The following PCSK4 variants were observed in gnomAD, a reference collection of about 807,000 sequenced individuals.
PCSK4 encodes the protein proprotein convertase subtilisin/kexin type 4.
PCSK4 carries 64 observed loss-of-function variants against 80.3 expected under a neutral mutation model. The ratio of observed to expected loss-of-function variants is 0.80; its 90% confidence interval spans 0.65 to 0.98. The LOEUF (loss-of-function observed/expected upper bound fraction) is 0.98, where lower values mean the gene tolerates loss of function less well. Among genes scored for constraint, PCSK4 ranks in the 50% least tolerant of loss-of-function variants. The probability of loss-of-function intolerance (pLI) is 0.00; values close to 1 mark genes in which losing one functional copy is unlikely to be tolerated. For missense variants in PCSK4, 1,213 were observed against 1,093.6 expected, an observed-to-expected ratio of 1.11 and a Z score of -1.54; for synonymous variants, 561 against 487.6, an observed-to-expected ratio of 1.15 and a Z score of -1.98.
rs2084831717 is a variant in PCSK4 at position 1,489,630 on chromosome 19, C to T, written c.294+163G>A. 5 of 1,292,674 alleles carry T rather than the reference C, an allele frequency of 3.9e-6. No individual in the cohort carries two copies. The Admixed American group carries it at 8.4e-5, about 22-fold the overall frequency. The allele number at this position is 1,292,674 out of a possible 1,614,324, so 80.1% of individuals were successfully genotyped here. ...GGCGCCATGATTTCCGTATCTGGGT[C>T]TTCCTGCCTCCTCTTGCTGTATAGA... On this transcript the variant is annotated intron_variant, in intron 2 of 14. Coordinates refer to ENST00000300954, the Ensembl canonical transcript of PCSK4.
At chr19:1,483,510 T>TG in intron 11 of PCSK4, 47 bp from the exon 12 acceptor site, 3 of 520,248 alleles carry the variant, frequency 5.8e-6, no homozygotes, top group Admixed American at 4.2e-5. Flanking sequence ...TGCTGGGGGG[T>TG]GGGTGGGCGG....
chr19:1,481,980 A>C (rs779755030), exon 15 of PCSK4: 1 of 1,595,792 alleles, frequency 6.3e-7, no homozygotes, highest in South Asian at 1.1e-5. Context: ...GGTCCCATGC[A>C]GGAGCCCTGC....
At position 1,484,142 on chromosome 19, in the gene PCSK4, G is replaced by A. The variant is rs369638298; in HGVS notation, c.1069-15C>T. On this transcript the variant is annotated splice_polypyrimidine_tract_variant and intron_variant, in intron 8 of 14. Coordinates refer to ENST00000300954, the Ensembl canonical transcript of PCSK4. ...TCCGTGGTGACCTGAGGGCAGAGGGGGGTGGGACTCGGGGGGCCGTGCACA... is the reference window on the plus strand; with the variant it reads ...TCCGTGGTGACCTGAGGGCAGAGGGAGGTGGGACTCGGGGGGCCGTGCACA... 65 of 1,479,540 alleles carry A rather than the reference G, an allele frequency of 4.4e-5. No individual in the cohort carries two copies. In the African/African-American group the frequency reaches 7.5e-4, roughly 17 times the overall value. The allele number at this position is 1,479,540 out of a possible 1,614,324, so 91.7% of individuals were successfully genotyped here. A position where few individuals can be genotyped will look rare whatever the true frequency, so the allele number is the denominator to read the frequency against.
exon 10 of PCSK4, chr19:1,483,902 GACC>G (rs1177946422): frequency 2.0e-6 from 3 of 1,489,708 alleles, no homozygotes; most frequent in South Asian, 1.3e-5. Flanking sequence ...TGGACGCGCG[GACC>G]ACCAGGTGCT....
At chr19:1,490,405 T>A in exon 1 of PCSK4, 1 of 678,304 alleles carries the variant, frequency 1.5e-6, no homozygotes. Context: ...AACCGCCGAG[T>A]GGGCCCAGGC....
chr19:1,482,451 A>G, exon 14 of PCSK4: 1 of 1,606,546 alleles, frequency 6.2e-7, no homozygotes. Flanking sequence ...CCCATAGAGC[A>G]GCAGCGTGTA....
intron 13 of PCSK4, 95 bp from the exon 14 acceptor site, chr19:1,482,570 GC>G (rs1382399884): frequency 4.1e-6 from 6 of 1,460,324 alleles, no homozygotes; most frequent in Non-Finnish European, 4.6e-6. Flanking sequence ...CAGCTCCCAC[GC>G]GGGGCCCTGG....
chr19:1,481,946 C>G, exon 15 of PCSK4: 6 of 1,595,568 alleles, frequency 3.8e-6, no homozygotes, highest in Non-Finnish European at 5.1e-6. Context: ...AGCTCTAAGC[C>G]GGGGGCGGCT....
intron 1 of PCSK4, 71 bp downstream of exon 1, chr19:1,490,087 C>T: frequency 1.3e-6 from 2 of 1,576,942 alleles, no homozygotes; most frequent in Non-Finnish European, 1.7e-6. Context: ...GGCTCCCTCC[C>T]CCTTGTCGGG....
In PCSK4 at chr19:1,488,121, G is replaced by T. The variant is rs993424775; in HGVS notation, c.388-29C>A. On this transcript the variant is annotated intron_variant, in intron 3 of 14. Transcript: ENST00000300954. ...CAGGGGGAGGCGGGGTTGTGACCCT[G>T]TGAGGGCCTGGAGTTGAGGGCGCCA... 3 of 1,612,702 alleles carry T rather than the reference G, an allele frequency of 1.9e-6. No homozygotes were observed. The African/African-American group carries it at 4.0e-5, about 22-fold the overall frequency.
chr19:1,490,355 G>T lies in PCSK4; in HGVS notation c.-9C>A, dbSNP rs762055762. ...ATCGGGGCGGGCCGCATGGAGGCGGGGCGGGAGCGGGGCCTGCGCAAATCC... is the reference window on the plus strand; with the variant it reads ...ATCGGGGCGGGCCGCATGGAGGCGGTGCGGGAGCGGGGCCTGCGCAAATCC... On this transcript the variant is annotated 5_prime_UTR_variant, in exon 1 of 15. Coordinates refer to ENST00000300954, the Ensembl canonical transcript of PCSK4. 1.8e-6 allele frequency: 2 copies of T among 1,091,634 alleles called. No homozygotes were observed. Among genetic ancestry groups the T allele is most frequent in the Non-Finnish European group, 2.6e-6 (2 of 784,054 alleles). 67.6% of individuals were successfully genotyped at this position (1,091,634 alleles called of 1,614,324 possible).
At chr19:1,486,778 T>C in intron 8 of PCSK4, 75 bp downstream of exon 8, 1 of 1,252,604 alleles carries the variant, frequency 8.0e-7, no homozygotes, top group East Asian at 2.5e-5. Context: ...TAAGTCACAG[T>C]GGTGGGGACA....
intron 13 of PCSK4, 80 bp from the exon 14 acceptor site, chr19:1,482,555 C>T: frequency 1.2e-5 from 18 of 1,515,820 alleles, no homozygotes; most frequent in Non-Finnish European, 1.6e-5. Context: ...GGGCTCCCTC[C>T]CCTTCAGCTC....
intron 13 of PCSK4, 106 bp from the exon 14 acceptor site, chr19:1,482,581 G>C: frequency 7.2e-7 from 1 of 1,386,990 alleles, no homozygotes. Context: ...CGGGGCCCTG[G>C]ACTGGTTCAC....
At chr19:1,483,439 G>A (rs562402163) in exon 12 of PCSK4, 10 of 1,595,892 alleles carry the variant, frequency 6.3e-6, no homozygotes, top group Non-Finnish European at 7.6e-6. Flanking sequence ...CGTTTTCCCT[G>A]ATGTAGATCA....
At position 1,487,772 on chromosome 19, in the gene PCSK4, G is replaced by T; in HGVS notation, c.593+13C>A. On this transcript the variant is annotated intron_variant, in intron 5 of 14. Coordinates refer to ENST00000300954, the Ensembl canonical transcript of PCSK4. ...CTGGGGCTTCCCCCGTGTGCTGTGG[G>T]AGCCCTGCTCACCGGTTCTCTTTGC... 6.4e-7 allele frequency: 1 copy of T among 1,565,840 alleles called. No homozygotes were observed. The highest frequency in any genetic ancestry group is 8.7e-7 in the Non-Finnish European group (1 of 1,153,622).
chr19:1,489,032 C>A (rs1317174226), intron 2 of PCSK4, among the ~76,000 whole-genome samples: 1 of 152,242 alleles, frequency 6.6e-6, no homozygotes, highest in South Asian at 2.1e-4. Flanking sequence ...ACATCCCAGG[C>A]ATTTTCTAGA....
chr19:1,486,297 A>C (rs2145386657), intron 8 of PCSK4, among the ~76,000 whole-genome samples: 1 of 140,728 alleles, frequency 7.1e-6, no homozygotes, highest in African/African-American at 2.7e-5. Context: ...TTATTGATTG[A>C]TTGATTGATT....
chr19:1,486,665 C>T (rs1260422558), intron 8 of PCSK4, among the ~76,000 whole-genome samples, 188 bp downstream of exon 8: 5 of 152,026 alleles, frequency 3.3e-5, no homozygotes, highest in Non-Finnish European at 7.4e-5. Context: ...ATCTCCTGAC[C>T]TTGTGATCTG....
Sources: gnomAD v4.1 joint callset for allele counts (sites outside exome capture counted in the v4.1 genomes callset) on GRCh38, gnomAD v4.1.1 for gene constraint, MANE v1.5 for transcripts, NCBI Gene and HGNC (gene_info 2026-07-23, HGNC 2026-07-21) for gene names.